Variants in PPL observed in about 807,000 individuals in gnomAD.
PPL encodes the protein periplakin.
A neutral mutation model predicts 194.4 loss-of-function variants in PPL; 198 were observed. That is an observed-to-expected ratio of 1.02 (90% CI 0.91 to 1.15). The LOEUF (loss-of-function observed/expected upper bound fraction) is 1.15. Among genes scored for constraint, PPL ranks in the 50% most tolerant of loss-of-function variants. PPL has a pLI of 0.00. For synonymous variants in PPL, 1,220 were observed against 972.4 expected (o/e 1.25, Z -4.74); for missense variants, 2,885 against 2,294.8 (o/e 1.26, Z -5.25).
intron 14 of PPL, 40 bp from the exon 15 acceptor site, chr16:4,892,253 G>A (rs1236663330): frequency 2.9e-5 from 46 of 1,585,366 alleles, no homozygotes; most frequent in Non-Finnish European, 3.8e-5. Flanking sequence ...ACACAGCCAG[G>A]CAGCCCCTTC....
intron 1 of PPL, among the ~76,000 whole-genome samples, chr16:4,932,879 C>G (rs1596593856): frequency 6.6e-6 from 1 of 152,268 alleles, no homozygotes; most frequent in Admixed American, 6.5e-5. Flanking sequence ...GTCACCCCAC[C>G]TCATAGATGA....
intron 20 of PPL, 48 bp downstream of exon 20, chr16:4,888,054 G>A: frequency 7.2e-7 from 1 of 1,379,400 alleles, no homozygotes; most frequent in East Asian, 2.3e-5. Flanking sequence ...GAGCAGGGCA[G>A]CTTGGCCTCC....
At chr16:4,890,989 CT>C (rs1200837463) in intron 16 of PPL, 68 bp from the exon 17 acceptor site, 4 of 1,362,770 alleles carry the variant, frequency 2.9e-6, no homozygotes, top group South Asian at 1.5e-5. Context: ...ATGACACCCA[CT>C]GAAGCCCCTG....
At chr16:4,917,894 C>A (rs944674086) in intron 1 of PPL, among the ~76,000 whole-genome samples, 44 of 150,038 alleles carry the variant, frequency 2.9e-4, no homozygotes, top group Non-Finnish European at 5.6e-4. Context: ...GAGAGTGAGA[C>A]CCTGTCTCAA....
At chr16:4,907,324 A>T (rs1041079178) in intron 2 of PPL, among the ~76,000 whole-genome samples, 3 of 124,208 alleles carry the variant, frequency 2.4e-5, no homozygotes, top group Non-Finnish European at 3.6e-5. Context: ...ACACACACAC[A>T]CACACACACA....
At chr16:4,909,275 G>T (rs1263311258) in intron 2 of PPL, among the ~76,000 whole-genome samples, 1 of 152,154 alleles carries the variant, frequency 6.6e-6, no homozygotes. Context: ...GCTGTGGACA[G>T]GCCTTCAGAG....
At chr16:4,936,008 T>C (rs1702670964) in intron 1 of PPL, among the ~76,000 whole-genome samples, 1 of 152,152 alleles carries the variant, frequency 6.6e-6, no homozygotes, top group Non-Finnish European at 1.5e-5. Flanking sequence ...GAAGTGGGGA[T>C]ATAAGGCAGG....
At chr16:4,924,307 A>G (rs1394053903) in intron 1 of PPL, among the ~76,000 whole-genome samples, 1 of 152,188 alleles carries the variant, frequency 6.6e-6, no homozygotes, top group African/African-American at 2.4e-5. Flanking sequence ...TCTTTTTCAC[A>G]CTAAGTCTTC....
chr16:4,891,939 C>A lies in PPL; in HGVS notation c.1840G>T (p.Ala614Ser). ...LDLAQEKVDVANRLEKSLQQS... is the reference protein window; with the variant it reads ...LDLAQEKVDVSNRLEKSLQQS... ...TGCAGGCTCTTCTCCAGGCGGTTGG[C>A]CACATCAACCCTGAGAGCACCAATC... Residue 614 changes from alanine to serine, a missense_variant, in exon 16 of 22, where the codon GCC becomes TCC. Physicochemically the swap from Ala to Ser is moderately conservative, Grantham distance 99 (BLOSUM62 1). Coordinates refer to ENST00000345988, the MANE Select transcript of PPL (RefSeq NM_002705.5). 2 of 1,612,642 alleles carry A rather than the reference C, an allele frequency of 1.2e-6. No individual in the cohort carries two copies. Among genetic ancestry groups the A allele is most frequent in the Non-Finnish European group, 1.7e-6 (2 of 1,179,632 alleles).
chr16:4,928,268 T>G (rs1210944768), intron 1 of PPL, among the ~76,000 whole-genome samples: 3 of 152,244 alleles, frequency 2.0e-5, no homozygotes, highest in Non-Finnish European at 4.4e-5. Context: ...GTATTTTTAG[T>G]AGGGACAGGG....
At chr16:4,897,867 G>T in intron 8 of PPL, 97 bp from the exon 9 acceptor site, 1 of 931,150 alleles carries the variant, frequency 1.1e-6, no homozygotes, top group Non-Finnish European at 1.7e-6. Context: ...GGCGGGGGAG[G>T]GAGGCATCTG....
chr16:4,908,115 T>C (rs1314524546), intron 2 of PPL, among the ~76,000 whole-genome samples: 2 of 136,168 alleles, frequency 1.5e-5, no homozygotes, highest in East Asian at 2.1e-4. Flanking sequence ...TGAGCCGAGA[T>C]AGCACCACTG....
intron 1 of PPL, among the ~76,000 whole-genome samples, chr16:4,911,886 G>T (rs188423481): frequency 6.6e-6 from 1 of 152,120 alleles, no homozygotes; most frequent in East Asian, 1.9e-4. Flanking sequence ...ACCCAGACTG[G>T]AGTGCAGTGG....
intron 2 of PPL, among the ~76,000 whole-genome samples, chr16:4,908,844 G>T (rs1353778427): frequency 6.6e-6 from 1 of 152,216 alleles, no homozygotes; most frequent in Non-Finnish European, 1.5e-5. Flanking sequence ...CCCGGCTCAT[G>T]ATTTTAATTC....
Position 4,892,222 on chromosome 16 carries a change from A to G in PPL, c.1651-9T>C. ...AGCTCGTTGGTGATGTTCTGTGGGA[A>G]CCAGGGCCCCTCAGTTTTGGACACA... On this transcript the variant is annotated splice_polypyrimidine_tract_variant and intron_variant, in intron 14 of 21. Transcript: ENST00000345988. 1 of 1,604,786 alleles carries G rather than the reference A, an allele frequency of 6.2e-7. No individual in the cohort carries two copies. The highest frequency in any genetic ancestry group is 8.5e-7 in the Non-Finnish European group (1 of 1,173,018).
At chr16:4,926,568 C>T (rs946418260) in intron 1 of PPL, among the ~76,000 whole-genome samples, 2 of 152,090 alleles carry the variant, frequency 1.3e-5, no homozygotes, top group African/African-American at 2.4e-5. Flanking sequence ...GGAAAAACAC[C>T]CCAATGGGTA....
chr16:4,898,383 G>A (rs542897461), intron 8 of PPL, among the ~76,000 whole-genome samples: 7 of 152,148 alleles, frequency 4.6e-5, no homozygotes, highest in South Asian at 2.1e-4. Context: ...CATCTCAGGC[G>A]GGGTTGGTGG....
intron 1 of PPL, among the ~76,000 whole-genome samples, chr16:4,929,758 C>T (rs2089204285): frequency 6.6e-6 from 1 of 152,066 alleles, no homozygotes; most frequent in African/African-American, 2.4e-5. Flanking sequence ...ACAATCACAG[C>T]TCACTGCAGC....
Position 4,882,622 on chromosome 16 carries a change from G to A in PPL, c.*762C>T, listed in dbSNP as rs1021177871. 3.3e-5 allele frequency: 5 copies of A among 152,212 alleles called. No individual in the cohort carries two copies. Among genetic ancestry groups the A allele is most frequent in the African/African-American group, 1.2e-4 (5 of 41,436 alleles). The allele number at this position is 152,212 out of a possible 1,614,324, so 9.4% of individuals were successfully genotyped here. The stretch of plus-strand genomic sequence containing the variant: ...GATACAGAGACCCAGATATTGGCGT[G>A]GTGAATAATCAACTGTTTTGTATAC... On this transcript the variant is annotated 3_prime_UTR_variant, in exon 22 of 22. Coordinates refer to ENST00000345988, the MANE Select transcript of PPL (RefSeq NM_002705.5).
Sources: gnomAD v4.1 joint callset for allele counts (sites outside exome capture counted in the v4.1 genomes callset) on GRCh38, gnomAD v4.1.1 for gene constraint, MANE v1.5 for transcripts, NCBI Gene and HGNC (gene_info 2026-07-23, HGNC 2026-07-21) for gene names.